CNTNAP4: variants seen among roughly 807,000 people sequenced by gnomAD.
The protein encoded by CNTNAP4 is contactin-associated protein-like 4.
Under a neutral mutation model 148.4 loss-of-function variants are expected in CNTNAP4, and 98 were observed. The observed-to-expected ratio is 0.66, with a 90% CI of 0.56 to 0.78. The LOEUF is 0.78. CNTNAP4 is among the 30% of genes least tolerant of loss of function. The probability of loss-of-function intolerance (pLI) is 0.00; values close to 1 mark genes in which losing one functional copy is unlikely to be tolerated. For missense variants in CNTNAP4, 1,935 were observed against 1,565.6 expected, an observed-to-expected ratio of 1.24 and a Z score of -3.98; for synonymous variants, 730 against 565.1, an observed-to-expected ratio of 1.29 and a Z score of -4.14.
rs781475621 is a variant in CNTNAP4 at position 76,538,282 on chromosome 16, G to A, written c.3162G>A (p.Leu1054=). ...FSFRTTRTPS[L]LLFVSSFYKE... is the part of the protein sequence containing the mutation. ...TCCGAACAACACGAACACCAAGCTT[G>A]CTGCTTTTTGTGAGCTCCTTTTACA... The change falls in exon 19 of 24, where the codon TTG becomes TTA. Residue 1054 remains leucine (L), a synonymous_variant. Coordinates refer to ENST00000611870, the MANE Select transcript of CNTNAP4 (RefSeq NM_033401.5). 1.2e-5 allele frequency: 19 copies of A among 1,609,416 alleles called. No homozygotes were observed. The South Asian group carries it at 1.9e-4, about 16-fold the overall frequency.
intron 3 of CNTNAP4, among the ~76,000 whole-genome samples, chr16:76,407,358 C>T (rs917516068): frequency 1.3e-5 from 2 of 151,892 alleles, no homozygotes; most frequent in African/African-American, 4.8e-5. Context: ...GGCTATAGCT[C>T]TTATTGATAC....
intron 4 of CNTNAP4, among the ~76,000 whole-genome samples, chr16:76,447,737 A>G (rs2080302676): frequency 6.6e-6 from 1 of 152,212 alleles, no homozygotes; most frequent in Non-Finnish European, 1.5e-5. Flanking sequence ...TTTGTTCAAC[A>G]ATAAGCTAAT....
intron 3 of CNTNAP4, among the ~76,000 whole-genome samples, chr16:76,373,247 G>GA (rs35336828): frequency 0.017 from 1,582 of 93,418 alleles, 83 homozygotes; most frequent in Non-Finnish European, 0.029. Context: ...ATAAATAGGT[G>GA]AATATATTCC....
chr16:76,493,604 A>G (rs1241292551), intron 13 of CNTNAP4, among the ~76,000 whole-genome samples: 1 of 152,164 alleles, frequency 6.6e-6, no homozygotes, highest in Non-Finnish European at 1.5e-5. Context: ...AGTATTTAAG[A>G]ATAACTATTT....
intron 3 of CNTNAP4, among the ~76,000 whole-genome samples, chr16:76,401,586 C>T (rs1415340230): frequency 1.3e-5 from 2 of 152,026 alleles, no homozygotes. Context: ...CTATGTTGAA[C>T]GAGAGTGGTG....
chr16:76,313,142 C>T (rs888593665), intron 1 of CNTNAP4, among the ~76,000 whole-genome samples: 2 of 152,046 alleles, frequency 1.3e-5, no homozygotes, highest in African/African-American at 4.8e-5. Flanking sequence ...GTTTTAATTC[C>T]ACTCTTTTAA....
At chr16:76,369,455 C>T (rs1597342681) in intron 3 of CNTNAP4, among the ~76,000 whole-genome samples, 3 of 152,202 alleles carry the variant, frequency 2.0e-5, no homozygotes, top group East Asian at 3.9e-4. Flanking sequence ...GCAGGATAAC[C>T]AGGAAAGCTG....
intron 1 of CNTNAP4, among the ~76,000 whole-genome samples, chr16:76,302,452 G>C (rs531530316): frequency 6.6e-6 from 1 of 152,106 alleles, no homozygotes; most frequent in East Asian, 1.9e-4. Context: ...GCTGTCCATC[G>C]TTTCTTGACA....
At chr16:76,487,616 G>A (rs545962904) in intron 12 of CNTNAP4, among the ~76,000 whole-genome samples, 23 of 152,256 alleles carry the variant, frequency 1.5e-4, no homozygotes, top group African/African-American at 4.6e-4. Flanking sequence ...ACCTATCTCC[G>A]TTGCTCAAAA....
At chr16:76,363,698 A>G (rs1166206964) in intron 3 of CNTNAP4, among the ~76,000 whole-genome samples, 1 of 152,230 alleles carries the variant, frequency 6.6e-6, no homozygotes, top group Non-Finnish European at 1.5e-5. Flanking sequence ...GTGAACAGGC[A>G]TCCTAAAGAA....
Position 76,354,717 on chromosome 16 carries a change from GT to G in CNTNAP4, c.197-600del, listed in dbSNP as rs568722737. Among the ~76,000 whole-genome samples the G allele has an allele frequency of 1.4e-4, 21 of 152,328 alleles. No homozygotes were observed. In the South Asian group the frequency reaches 1.5e-3, roughly 11 times the overall value. On this transcript the variant is annotated intron_variant, in intron 2 of 23. Transcript: ENST00000611870. ...CTCCAACCCACCACTGGATAGAGTT[GT>G]GTTATTTTCTCCTGCAAACACGCCA... is the stretch of plus-strand genomic sequence containing the variant.
intron 2 of CNTNAP4, among the ~76,000 whole-genome samples, chr16:76,318,591 T>C (rs1962059617): frequency 6.6e-6 from 1 of 151,708 alleles, no homozygotes; most frequent in African/African-American, 2.4e-5. Context: ...CCCCTGTTAA[T>C]TACATGAAGT....
At chr16:76,460,319 G>C (rs1310053964) in intron 8 of CNTNAP4, among the ~76,000 whole-genome samples, 6 of 151,642 alleles carry the variant, frequency 4.0e-5, no homozygotes, top group African/African-American at 7.2e-5. Context: ...ATGTTGGCCA[G>C]GCTGGTCTCG....
At chr16:76,339,059 C>T (rs901705626) in intron 2 of CNTNAP4, among the ~76,000 whole-genome samples, 6 of 152,138 alleles carry the variant, frequency 3.9e-5, no homozygotes, top group Admixed American at 3.9e-4. Context: ...CCCTTCGACA[C>T]AGTAGTTTCT....
At chr16:76,474,461 A>T (rs911039028) in intron 10 of CNTNAP4, among the ~76,000 whole-genome samples, 1 of 152,206 alleles carries the variant, frequency 6.6e-6, no homozygotes, top group East Asian at 1.9e-4. Context: ...TAGTCCTTAT[A>T]ATAAGGAAAA....
chr16:76,424,519 C>T (rs369875424), intron 3 of CNTNAP4, among the ~76,000 whole-genome samples: 3 of 152,122 alleles, frequency 2.0e-5, no homozygotes, highest in South Asian at 2.1e-4. Context: ...CTTGAGAGGC[C>T]GAGGCGGGCA....
intron 10 of CNTNAP4, among the ~76,000 whole-genome samples, chr16:76,472,295 A>G (rs1323753970): frequency 6.6e-6 from 1 of 152,044 alleles, no homozygotes; most frequent in Non-Finnish European, 1.5e-5. Flanking sequence ...AATAAAATTC[A>G]CAATTTAATC....
intron 3 of CNTNAP4, among the ~76,000 whole-genome samples, chr16:76,387,117 C>A (rs922749012): frequency 6.6e-6 from 1 of 152,100 alleles, no homozygotes; most frequent in Admixed American, 6.6e-5. Flanking sequence ...GATTTTTGGA[C>A]CACAGAACTG....
chr16:76,455,933 G>T (rs1462314745), intron 8 of CNTNAP4, among the ~76,000 whole-genome samples: 4 of 152,196 alleles, frequency 2.6e-5, no homozygotes, highest in Admixed American at 1.3e-4. Context: ...AATGGAAGTA[G>T]ACGTAAATCT....
Sources: gnomAD v4.1 joint callset for allele counts (sites outside exome capture counted in the v4.1 genomes callset) on GRCh38, gnomAD v4.1.1 for gene constraint, MANE v1.5 for transcripts, NCBI Gene and HGNC (gene_info 2026-07-23, HGNC 2026-07-21) for gene names.